The following BCOR variants were observed in gnomAD, a reference collection of about 807,000 sequenced individuals.
The protein encoded by BCOR is BCL-6 corepressor.
In BCOR, 10 loss-of-function variants were observed where a neutral mutation model predicts 86.7. The ratio of observed to expected loss-of-function variants is 0.12; its 90% CI spans 0.07 to 0.20. BCOR has a LOEUF of 0.20. BCOR is among the 10% of genes least tolerant of loss of function. The pLI, the probability that BCOR is intolerant of heterozygous loss-of-function variation, is 1.00. For missense variants in BCOR, 1,259 were observed against 1,452.1 expected, an observed-to-expected ratio of 0.87 and a Z score of 2.16; for synonymous variants, 611 against 609.0, an observed-to-expected ratio of 1.00 and a Z score of -0.05.
At chrX:40,130,571 G>A (rs1340831525) in intron 1 of BCOR, among the ~76,000 whole-genome samples, 2 of 112,347 alleles carry the variant, frequency 1.8e-5, no homozygotes, top group Non-Finnish European at 3.8e-5. Flanking sequence ...CTCTCAGCAA[G>A]GCAGCTGCTG....
intron 2 of BCOR, chrX:40,077,065 G>A: frequency 3.9e-6 from 1 of 253,279 alleles, no homozygotes; most frequent in Non-Finnish European, 7.4e-6. Context: ...TGATAAAAAA[G>A]CCATATTTGA....
At chrX:40,077,992 A>C in intron 1 of BCOR, 23 bp from the exon 2 acceptor site, 1 of 1,009,822 alleles carries the variant, frequency 9.9e-7, no homozygotes, top group Non-Finnish European at 1.4e-6. Context: ...AAGAAAAAAA[A>C]TCCCAGGAGG....
intron 1 of BCOR, among the ~76,000 whole-genome samples, chrX:40,122,328 G>A (rs1937498516): frequency 9.0e-6 from 1 of 111,050 alleles, no homozygotes; most frequent in African/African-American, 3.3e-5. Context: ...TGTACCCTGG[G>A]CCTACCTGAC....
chrX:40,173,877 G>A (rs1345674817), intron 1 of BCOR, among the ~76,000 whole-genome samples: 1 of 112,763 alleles, frequency 8.9e-6, no homozygotes, highest in Non-Finnish European at 1.9e-5. Flanking sequence ...TGCAGGGCTG[G>A]CGTATGGCAG....
chrX:40,052,625 C>T (rs995228077), intron 14 of BCOR, among the ~76,000 whole-genome samples: 17 of 93,668 alleles, frequency 1.8e-4, no homozygotes, highest in Non-Finnish European at 2.0e-4. Flanking sequence ...AGTGCAGTGG[C>T]GCGATCTCAG....
chrX:40,081,993 T>A (rs1020229176), intron 1 of BCOR, among the ~76,000 whole-genome samples: 13 of 112,494 alleles, frequency 1.2e-4, no homozygotes, highest in Non-Finnish European at 7.5e-5. Flanking sequence ...AGAGCTTGGG[T>A]CACCCTGGAC....
Position 40,073,580 on chromosome X carries a change from T to C in BCOR, c.1766A>G (p.Glu589Gly). The change falls in exon 4 of 15, where the codon GAA (glutamate) becomes GGA (glycine). Residue 589 changes from glutamate to glycine, a missense_variant. By Grantham distance (98) the Glu-to-Gly change is moderately conservative. This residue lies in a region of BCOR where 534 missense variants were observed against 594.8 expected (regional missense o/e 0.90). Transcript: ENST00000378444. ...GTGCTGAATAACGGATGGTGTGGTT[T>C]CTACAGAGCTCCTGCTGGTTTTGGT... is the stretch of plus-strand genomic sequence containing the variant. The part of the protein sequence containing the change: ...DGTKTSRSSV[E>G]TTPSVIQHVG... 1 of 1,212,141 alleles carries C rather than the reference T, an allele frequency of 8.2e-7. No homozygotes were observed. Among genetic ancestry groups the C allele is most frequent in the Non-Finnish European group, 1.1e-6 (1 of 895,641 alleles).
chrX:40,103,883 C>T (rs1208412055), intron 1 of BCOR, among the ~76,000 whole-genome samples: 2 of 111,715 alleles, frequency 1.8e-5, no homozygotes, highest in Non-Finnish European at 3.8e-5. Flanking sequence ...TGATCGGTCA[C>T]TTCTTATCTC....
intron 1 of BCOR, among the ~76,000 whole-genome samples, chrX:40,115,985 T>G (rs906859624): frequency 2.7e-5 from 3 of 111,280 alleles, no homozygotes; most frequent in Non-Finnish European, 3.8e-5. Flanking sequence ...ACTCTTGTCC[T>G]TACCATGGGA....
intron 6 of BCOR, among the ~76,000 whole-genome samples, chrX:40,069,632 C>G (rs1473865750): frequency 1.8e-5 from 2 of 112,657 alleles, no homozygotes; most frequent in African/African-American, 6.5e-5. Context: ...GAAGCACCTT[C>G]CCCATCAACT....
intron 1 of BCOR, among the ~76,000 whole-genome samples, chrX:40,170,361 T>G (rs945008143): frequency 9.1e-6 from 1 of 109,962 alleles, no homozygotes; most frequent in Non-Finnish European, 1.9e-5. Context: ...TTTGGTTTTT[T>G]TTTTTTTGAG....
chrX:40,173,611 TGTG>T (rs769614263), intron 1 of BCOR, among the ~76,000 whole-genome samples: 1 of 112,318 alleles, frequency 8.9e-6, no homozygotes, highest in African/African-American at 3.2e-5. Flanking sequence ...CTTGTGTGTG[TGTG>T]GTGGTGGATA....
chrX:40,057,717 A>C (rs930679812), intron 10 of BCOR, among the ~76,000 whole-genome samples: 1 of 112,530 alleles, frequency 8.9e-6, no homozygotes, highest in Non-Finnish European at 1.9e-5. Context: ...ACAACGCATG[A>C]ATAAGTACAA....
intron 1 of BCOR, among the ~76,000 whole-genome samples, chrX:40,144,500 G>C (rs1232739828): frequency 1.8e-5 from 2 of 111,933 alleles, no homozygotes; most frequent in Non-Finnish European, 3.8e-5. Context: ...GGATCATTGC[G>C]GGGACCTGAC....
At position 40,155,459 on chromosome X, in the gene BCOR, AG is replaced by A. The variant is rs749773016; in HGVS notation, c.-41+21547del. Among the ~76,000 whole-genome samples, 23 of 110,783 alleles carry A rather than the reference AG, an allele frequency of 2.1e-4. No homozygotes were observed. In the South Asian group the frequency reaches 8.5e-3, roughly 41 times the overall value. The stretch of plus-strand genomic sequence containing the variant: ...TCCGGGTTTCGGTGGGGAAGCAGGA[AG>A]GGGGTGGGGAGCAGGCGGCAAGGGA... On this transcript the variant is annotated intron_variant, in intron 1 of 14. Transcript: ENST00000342274.
chrX:40,054,222 C>T (rs1044537268), intron 13 of BCOR, 34 bp downstream of exon 13: 1 of 1,178,914 alleles, frequency 8.5e-7, no homozygotes, highest in Non-Finnish European at 1.2e-6. Flanking sequence ...ACTTGTTCAC[C>T]TCCTACGGAA....
At chrX:40,069,705 C>T (rs1217658177) in intron 6 of BCOR, among the ~76,000 whole-genome samples, 1 of 112,451 alleles carries the variant, frequency 8.9e-6, no homozygotes, top group Admixed American at 9.4e-5. Flanking sequence ...GTTGAGGCAA[C>T]TCAGAGTGGG....
intron 1 of BCOR, among the ~76,000 whole-genome samples, chrX:40,156,011 T>C (rs190930781): frequency 3.5e-4 from 40 of 113,010 alleles, no homozygotes; most frequent in African/African-American, 1.2e-3. Context: ...TGGGCACAGC[T>C]CACTTAGGAA....
intron 1 of BCOR, among the ~76,000 whole-genome samples, chrX:40,114,016 A>C (rs915624369): frequency 1.8e-5 from 2 of 111,128 alleles, no homozygotes; most frequent in African/African-American, 6.5e-5. Flanking sequence ...ACAGGGTTTC[A>C]CCATGTTGGC....
Sources: allele counts gnomAD v4.1 joint callset (sites outside exome capture counted in the v4.1 genomes callset), GRCh38; gene constraint gnomAD v4.1.1; regional missense constraint gnomAD v4.1.1; transcripts MANE v1.5; gene names NCBI Gene and HGNC (gene_info 2026-07-23, HGNC 2026-07-21).